The following NCR1 variants were observed in gnomAD, a reference collection of about 807,000 sequenced individuals.
The protein encoded by NCR1 is NK cell-activating receptor.
A neutral mutation model predicts 32.5 loss-of-function variants in NCR1; 30 were observed. The ratio of observed to expected loss-of-function variants is 0.92; its 90% CI spans 0.69 to 1.25. The LOEUF (loss-of-function observed/expected upper bound fraction) is 1.25. Among genes scored for constraint, NCR1 ranks in the 50% most tolerant of loss-of-function variants. The pLI, the probability that NCR1 is intolerant of heterozygous loss-of-function variation, is 0.00. For synonymous variants in NCR1, 169 were observed against 143.4 expected (o/e 1.18, Z -1.28); for missense variants, 369 against 380.7 (o/e 0.97, Z 0.26).
At chr19:54,911,162 C>T (rs58840390) in intron 5 of NCR1, among the ~76,000 whole-genome samples, 6,468 of 151,730 alleles carry the variant, frequency 0.043, 304 homozygotes, top group African/African-American at 0.11. Context: ...CTGGCTAACA[C>T]GGTGAAACCC....
the NCR1 span, among the ~76,000 whole-genome samples, chr19:54,931,359 C>T: frequency 2.0e-5 from 3 of 152,060 alleles, no homozygotes; most frequent in African/African-American, 7.2e-5. Flanking sequence ...GAGTTCAAGA[C>T]CAGCCTGGCC....
chr19:54,926,123 G>A, the NCR1 span, among the ~76,000 whole-genome samples: 14 of 152,158 alleles, frequency 9.2e-5, no homozygotes, highest in Admixed American at 5.9e-4. Flanking sequence ...ACAACTAAGG[G>A]AGCATCTGTA....
the NCR1 span, among the ~76,000 whole-genome samples, chr19:54,937,186 C>G: frequency 6.6e-6 from 1 of 151,016 alleles, no homozygotes; most frequent in Non-Finnish European, 1.5e-5. Context: ...GCACTGCACT[C>G]CAGCCTGGGG....
At chr19:54,919,114 T>C (rs568340743), downstream of NCR1, among the ~76,000 whole-genome samples, 26 of 152,238 alleles carry the variant, frequency 1.7e-4, no homozygotes, top group African/African-American at 5.8e-4. Flanking sequence ...CCATGGTACA[T>C]AGACACCACG....
In NCR1 at chr19:54,906,290, G is replaced by T. The variant is rs202091591; in HGVS notation, c.35-9G>T. ...GGAGGCAACAGGTCTCATTACTCCC[G>T]TCTTCCAGGGCTGTGTCTGAGTCAG... On this transcript the variant is annotated splice_polypyrimidine_tract_variant and intron_variant, in intron 1 of 6. Transcript: ENST00000291890. The T allele has an allele frequency of 6.2e-7, 1 of 1,614,000 alleles. No homozygotes were observed. The highest frequency in any genetic ancestry group is 8.5e-7 in the Non-Finnish European group (1 of 1,180,046).
At chr19:54,914,743 CTTTT>C (rs58541136), downstream of NCR1, among the ~76,000 whole-genome samples, 4 of 143,386 alleles carry the variant, frequency 2.8e-5, no homozygotes, top group Non-Finnish European at 4.6e-5. Context: ...AAAGATAGCA[CTTTT>C]TTTTTTTTTT....
chr19:54,904,771 A>C (rs1463128691), upstream of NCR1, among the ~76,000 whole-genome samples: 1 of 152,106 alleles, frequency 6.6e-6, no homozygotes, highest in Non-Finnish European at 1.5e-5. Context: ...ACCTAAGGTG[A>C]TCCACCTGCC....
chr19:54,934,698 C>T, the NCR1 span: 2 of 1,535,504 alleles, frequency 1.3e-6, no homozygotes, highest in South Asian at 2.4e-5. This position sits in a 1 kb window ranked among gnomAD's most constrained non-coding sequence, Gnocchi z 6.7. Flanking sequence ...TCTGGGAGGA[C>T]AGAGTATACC....
downstream of NCR1, among the ~76,000 whole-genome samples, chr19:54,920,413 C>T (rs1231568157): frequency 6.6e-6 from 1 of 152,178 alleles, no homozygotes; most frequent in African/African-American, 2.4e-5. Context: ...TCCCACCAAA[C>T]GTCATGTACA....
chr19:54,906,871 A>G (rs1269327496), intron 3 of NCR1, 64 bp downstream of exon 3: 11 of 1,568,616 alleles, frequency 7.0e-6, no homozygotes, highest in African/African-American at 1.4e-5. Context: ...AGCATCATCT[A>G]TGAACTCTTC....
upstream of NCR1, among the ~76,000 whole-genome samples, chr19:54,903,532 ATATGCATG>A (rs1020694157): frequency 2.0e-5 from 3 of 147,690 alleles, 1 homozygote; most frequent in African/African-American, 7.4e-5. Flanking sequence ...GTATACATAT[ATATGCATG>A]TATGCATGTG....
At chr19:54,909,000 TA>T (rs57278586) in intron 3 of NCR1, among the ~76,000 whole-genome samples, 95,534 of 138,482 alleles carry the variant, frequency 0.69, 34,095 homozygotes, top group Non-Finnish European at 0.81. Flanking sequence ...AAATAATAAT[TA>T]AAAAAAAAAA....
the NCR1 span, among the ~76,000 whole-genome samples, chr19:54,929,542 G>T: frequency 2.0e-5 from 3 of 152,068 alleles, no homozygotes; most frequent in African/African-American, 7.2e-5. Context: ...TGAAGAGCTC[G>T]CCATTCCATT....
At chr19:54,910,156 GC>G in intron 5 of NCR1, 91 bp downstream of exon 5, 1 of 1,319,758 alleles carries the variant, frequency 7.6e-7, no homozygotes, top group Non-Finnish European at 1.1e-6. Context: ...ATTCATCGAG[GC>G]CAGGCGTGGT....
At chr19:54,934,170 T>C in the NCR1 span, among the ~76,000 whole-genome samples, 1 of 152,188 alleles carries the variant, frequency 6.6e-6, no homozygotes, top group Non-Finnish European at 1.5e-5. This position sits in a 1 kb window ranked among gnomAD's most constrained non-coding sequence, Gnocchi z 6.7. Context: ...CTCGATCTCT[T>C]GACCTCGTGA....
At position 54,909,323 on chromosome 19, in the gene NCR1, G is replaced by A. The variant is rs755538494; in HGVS notation, c.434G>A (p.Arg145His). 29 of 1,613,942 alleles carry A rather than the reference G, an allele frequency of 1.8e-5. No individual in the cohort carries two copies. Among genetic ancestry groups the A allele is most frequent in the African/African-American group, 1.6e-4 (12 of 74,890 alleles). ...ISGEKVTFYC[R>H]LDTATSMFLL... ...GGAGAGAAGGTGACCTTCTACTGCC[G>A]TCTAGACACTGCAACAAGCATGTTC... Residue 145 changes from arginine (R) to histidine (H), a missense_variant, in exon 4 of 7, where the codon CGT becomes CAT. Arg to His is a conservative substitution (Grantham distance 29). Transcript: ENST00000291890.
the NCR1 span, chr19:54,938,078 C>T: frequency 1.5e-3 from 2,487 of 1,614,018 alleles, 70 homozygotes; most frequent in East Asian, 0.044. Flanking sequence ...CTACGGGTTA[C>T]GTGGTCACAA....
At chr19:54,914,385 C>T (rs965157568), downstream of NCR1, among the ~76,000 whole-genome samples, 2 of 152,070 alleles carry the variant, frequency 1.3e-5, no homozygotes, top group Non-Finnish European at 2.9e-5. Context: ...GTCACCCAGG[C>T]TGGAATGCAG....
chr19:54,936,007 G>A, the NCR1 span, among the ~76,000 whole-genome samples: 1 of 152,140 alleles, frequency 6.6e-6, no homozygotes, highest in Non-Finnish European at 1.5e-5. Context: ...GTGCAGTCAG[G>A]AATAGCATGT....
Sources: allele counts gnomAD v4.1 joint callset (sites outside exome capture counted in the v4.1 genomes callset), GRCh38; gene constraint gnomAD v4.1.1; non-coding constraint Gnocchi (gnomAD v3.1); transcripts MANE v1.5; gene names NCBI Gene and HGNC (gene_info 2026-07-23, HGNC 2026-07-21).